EPHB1: variants seen among roughly 807,000 people sequenced by gnomAD.
The protein encoded by EPHB1 is ephrin type-B receptor 1.
Under a neutral mutation model 94.4 loss-of-function variants are expected in EPHB1, and 30 were observed. The ratio of observed to expected loss-of-function variants is 0.32; its 90% CI spans 0.24 to 0.43. EPHB1 has a LOEUF of 0.43. Ranked by LOEUF, EPHB1 falls within the 20% of genes least tolerant of loss-of-function variation. The pLI, the probability that EPHB1 is intolerant of heterozygous loss-of-function variation, is 1.00. For synonymous variants in EPHB1, 522 were observed against 489.1 expected, an observed-to-expected ratio of 1.07 and a Z score of -0.89; for missense variants, 1,055 against 1,308.3, an observed-to-expected ratio of 0.81 and a Z score of 2.99.
At position 135,030,267 on chromosome 3, in the gene EPHB1, G is replaced by A. The variant is rs571629620; in HGVS notation, c.806-76181G>A. On this transcript the variant is annotated intron_variant, in intron 3 of 15. Coordinates refer to ENST00000398015, the MANE Select transcript of EPHB1 (RefSeq NM_004441.5). ...TCCAGCTTTGTTCTGTTGCTGGTGA[G>A]GAGCTGCGTTCCTTTGCAGGAGGAG... Among the ~76,000 whole-genome samples the A allele has an allele frequency of 2.0e-5, 3 of 152,338 alleles. No homozygotes were observed. The South Asian group carries it at 6.2e-4, about 32-fold the overall frequency.
intron 6 of EPHB1, 31 bp from the exon 7 acceptor site, chr3:135,161,987 G>C (rs1369126197): frequency 6.3e-7 from 1 of 1,585,056 alleles, no homozygotes; most frequent in Non-Finnish European, 8.6e-7. Flanking sequence ...TCAGGAATGG[G>C]ATAGTGACCC....
At chr3:134,991,886 TC>T (rs1489171417) in intron 3 of EPHB1, among the ~76,000 whole-genome samples, 3 of 152,050 alleles carry the variant, frequency 2.0e-5, no homozygotes, top group Non-Finnish European at 2.9e-5. Flanking sequence ...AGCTCTCTGC[TC>T]CCCATGGTAA....
intron 13 of EPHB1, among the ~76,000 whole-genome samples, chr3:135,247,263 A>G (rs984659201): frequency 7.9e-5 from 12 of 152,324 alleles, no homozygotes; most frequent in African/African-American, 2.6e-4. Flanking sequence ...ATGCATGTCT[A>G]TAATAGTTGG....
chr3:134,953,184 G>A (rs1286977918), intron 3 of EPHB1, among the ~76,000 whole-genome samples: 2 of 152,148 alleles, frequency 1.3e-5, no homozygotes, highest in Admixed American at 1.3e-4. Flanking sequence ...ACCAGCCTAT[G>A]CCAGTTTACT....
At chr3:134,983,538 G>A (rs1934489956) in intron 3 of EPHB1, among the ~76,000 whole-genome samples, 2 of 152,252 alleles carry the variant, frequency 1.3e-5, no homozygotes, top group Admixed American at 1.3e-4. Flanking sequence ...GGGAGGCAGA[G>A]GTGCTGTTTT....
chr3:135,223,511 G>T (rs1283651710), intron 12 of EPHB1, among the ~76,000 whole-genome samples: 1 of 152,164 alleles, frequency 6.6e-6, no homozygotes, highest in Non-Finnish European at 1.5e-5. Context: ...TCTAAGCTTA[G>T]AAGAGAGTTT....
chr3:135,146,772 T>C (rs1186282345), intron 5 of EPHB1, among the ~76,000 whole-genome samples: 2 of 152,178 alleles, frequency 1.3e-5, no homozygotes, highest in African/African-American at 2.4e-5. Flanking sequence ...ATCAGATAAA[T>C]ACCTGAGGCT....
rs2107698315 is a variant in EPHB1 at position 135,162,159 on chromosome 3, T to C, written c.1564T>C (p.Cys522Arg). The C allele has an allele frequency of 6.2e-7, 1 of 1,608,708 alleles. No homozygotes were observed. The highest frequency in any genetic ancestry group is 8.5e-7 in the Non-Finnish European group (1 of 1,176,930). The change falls in exon 7 of 16, where the codon TGC becomes CGC. Residue 522 changes from cysteine to arginine, a missense_variant. By Grantham distance (180) the Cys-to-Arg change is radical (BLOSUM62 -3). Transcript: ENST00000398015. ...CTACGGCAAGTTCAGTGGCAAGATG[T>C]GCTTCCAGACTCTGACTGACGGTAA... ...AGYGKFSGKM[C>R]FQTLTDDDYK...
At chr3:134,901,908 T>A (rs2107690165) in intron 1 of EPHB1, among the ~76,000 whole-genome samples, 1 of 152,308 alleles carries the variant, frequency 6.6e-6, no homozygotes, top group East Asian at 1.9e-4. Flanking sequence ...AAAGAGTGGA[T>A]GTGACATATT....
chr3:134,880,927 C>T (rs887195920), intron 1 of EPHB1, among the ~76,000 whole-genome samples: 1 of 152,248 alleles, frequency 6.6e-6, no homozygotes, highest in African/African-American at 2.4e-5. Flanking sequence ...GTGAGAATTA[C>T]ATGGCCAAGG....
At chr3:135,063,167 G>C (rs2107777974) in intron 3 of EPHB1, among the ~76,000 whole-genome samples, 1 of 152,028 alleles carries the variant, frequency 6.6e-6, no homozygotes, top group South Asian at 2.1e-4. Flanking sequence ...TTGGGTATGT[G>C]GGCTCTTTTT....
intron 3 of EPHB1, among the ~76,000 whole-genome samples, chr3:135,007,446 G>A (rs919086534): frequency 2.6e-5 from 4 of 152,198 alleles, no homozygotes; most frequent in African/African-American, 9.7e-5. Context: ...ATGGCAAGTG[G>A]ATTCATGAAT....
chr3:134,904,445 G>C (rs900161096), intron 1 of EPHB1, among the ~76,000 whole-genome samples: 10 of 151,956 alleles, frequency 6.6e-5, no homozygotes, highest in African/African-American at 2.4e-4. Flanking sequence ...CTGCGAGTGG[G>C]TGTCAGCCTG....
intron 1 of EPHB1, among the ~76,000 whole-genome samples, chr3:134,868,900 G>C (rs1215059544): frequency 6.6e-6 from 1 of 152,238 alleles, no homozygotes; most frequent in African/African-American, 2.4e-5. Flanking sequence ...CTGCCATCCT[G>C]TACCATTGCC....
chr3:135,077,918 C>T (rs1938003615), intron 3 of EPHB1, among the ~76,000 whole-genome samples: 1 of 152,164 alleles, frequency 6.6e-6, no homozygotes, highest in South Asian at 2.1e-4. Context: ...TATAAACAGC[C>T]CTAATTTTGG....
chr3:134,969,168 A>T (rs1442420324), intron 3 of EPHB1, among the ~76,000 whole-genome samples: 1 of 152,148 alleles, frequency 6.6e-6, no homozygotes, highest in Non-Finnish European at 1.5e-5. Flanking sequence ...TTTTGGCAGC[A>T]CTTGGTATTA....
chr3:134,972,537 A>C (rs977223444), intron 3 of EPHB1, among the ~76,000 whole-genome samples: 3 of 90,472 alleles, frequency 3.3e-5, no homozygotes, highest in African/African-American at 1.6e-4. Flanking sequence ...TTATAAATAT[A>C]TATTATTATA....
intron 3 of EPHB1, among the ~76,000 whole-genome samples, chr3:135,006,069 C>T (rs1336735068): frequency 6.6e-6 from 1 of 152,226 alleles, no homozygotes; most frequent in Non-Finnish European, 1.5e-5. Flanking sequence ...TCCTTGCTTC[C>T]CCTTCACCTT....
intron 12 of EPHB1, among the ~76,000 whole-genome samples, chr3:135,220,426 A>T (rs2107719866): frequency 6.6e-6 from 1 of 152,320 alleles, no homozygotes; most frequent in East Asian, 1.9e-4. Context: ...GTTCTCAGCG[A>T]AAAGATCCAT....
Sources: allele counts gnomAD v4.1 joint callset (sites outside exome capture counted in the v4.1 genomes callset), GRCh38; gene constraint gnomAD v4.1.1; transcripts MANE v1.5; gene names NCBI Gene and HGNC (gene_info 2026-07-23, HGNC 2026-07-21).